CLSTN2: variants seen among roughly 807,000 people sequenced by gnomAD.
The protein encoded by CLSTN2 is calsyntenin 2, also known as calsyntenin-2.
In CLSTN2, 48 loss-of-function variants were observed where a neutral mutation model predicts 101.2. That is an observed-to-expected ratio of 0.47 (90% CI 0.38 to 0.60). The LOEUF (loss-of-function observed/expected upper bound fraction) is 0.60, where lower values mean the gene tolerates loss of function less well. Among genes scored for constraint, CLSTN2 ranks in the 20% least tolerant of loss-of-function variants. The pLI is 0.00. For missense variants in CLSTN2, 1,160 were observed against 1,238.2 expected (o/e 0.94, Z 0.95); for synonymous variants, 481 against 463.6 (o/e 1.04, Z -0.48).
chr3:139,935,314 G>A lies in CLSTN2; in HGVS notation c.-61G>A. 1.1e-6 allele frequency: 1 copy of A among 932,046 alleles called. No homozygotes were observed. Among genetic ancestry groups the A allele is most frequent in the African/African-American group, 1.7e-5 (1 of 58,414 alleles). 57.7% of individuals were successfully genotyped at this position (932,046 alleles called of 1,614,324 possible). A position where few individuals can be genotyped will look rare whatever the true frequency, so the allele number is the denominator to read the frequency against. On this transcript the variant is annotated 5_prime_UTR_variant, in exon 1 of 17. Coordinates refer to ENST00000458420, the MANE Select transcript of CLSTN2 (RefSeq NM_022131.3). The surrounding 1 kb of genome is among the most constrained non-coding windows in gnomAD (Gnocchi z 5.5). ...CGGCCCACGGTGCGGCAGGCACCGG[G>A]AGGCGAGAGCCGGCGCGGACAGTAG...
chr3:139,950,440 G>C (rs779373198), intron 1 of CLSTN2, among the ~76,000 whole-genome samples: 1 of 152,126 alleles, frequency 6.6e-6, no homozygotes, highest in Non-Finnish European at 1.5e-5. Flanking sequence ...TCCCTACATG[G>C]GCTGAGGTTG....
chr3:140,469,165 G>A (rs74714884), intron 8 of CLSTN2, among the ~76,000 whole-genome samples: 15,080 of 152,150 alleles, frequency 0.099, 842 homozygotes, highest in Middle Eastern at 0.16. Flanking sequence ...ACCTACTCAA[G>A]GTCCTAGCTC....
intron 1 of CLSTN2, among the ~76,000 whole-genome samples, chr3:140,064,881 A>G (rs2008272799): frequency 6.6e-6 from 1 of 152,194 alleles, no homozygotes; most frequent in African/African-American, 2.4e-5. Context: ...CAAAAGCACA[A>G]AGATTAAAGA....
chr3:140,148,779 G>A (rs1360949902), intron 1 of CLSTN2, among the ~76,000 whole-genome samples: 3 of 152,156 alleles, frequency 2.0e-5, no homozygotes, highest in Non-Finnish European at 4.4e-5. Context: ...TGCTAAGAAA[G>A]CCTCAAGTTC....
At chr3:140,066,327 A>G (rs1560084613) in intron 1 of CLSTN2, among the ~76,000 whole-genome samples, 4 of 152,154 alleles carry the variant, frequency 2.6e-5, no homozygotes, top group Non-Finnish European at 4.4e-5. Context: ...AGCCTCCACC[A>G]TGGTGTTTCT....
At chr3:140,476,504 C>T (rs78462923) in intron 8 of CLSTN2, among the ~76,000 whole-genome samples, 2 of 152,274 alleles carry the variant, frequency 1.3e-5, no homozygotes, top group Non-Finnish European at 2.9e-5. Flanking sequence ...GGGTAAAAGG[C>T]ACCAGTCTTA....
chr3:140,141,020 TAA>T (rs1232595713), intron 1 of CLSTN2, among the ~76,000 whole-genome samples: 1 of 152,186 alleles, frequency 6.6e-6, no homozygotes, highest in Non-Finnish European at 1.5e-5. Context: ...GCTCCTGACA[TAA>T]GACACCTTCT....
At chr3:140,529,293 T>TG (rs1169558750) in intron 8 of CLSTN2, among the ~76,000 whole-genome samples, 1 of 152,184 alleles carries the variant, frequency 6.6e-6, no homozygotes, top group Admixed American at 6.5e-5. Context: ...CTGCCTGCCG[T>TG]GGGAGTACAT....
intron 1 of CLSTN2, among the ~76,000 whole-genome samples, chr3:139,967,199 T>C (rs1398640980): frequency 6.6e-6 from 1 of 152,018 alleles, no homozygotes; most frequent in East Asian, 1.9e-4. Flanking sequence ...ATGGGATAGA[T>C]TTGGGGGTCA....
rs66697366 is a variant in CLSTN2 at position 139,938,140 on chromosome 3, C to CAAAAAA, written c.109+2671_109+2676dup. 1.1e-3 allele frequency among the ~76,000 whole-genome samples: 102 copies of CAAAAAA among 94,398 alleles called. 1 individual carries two copies. The highest frequency in any genetic ancestry group is 5.5e-3 in the Middle Eastern group (1 of 182). The allele number at this position is 94,398 out of a possible 152,430, so 61.9% of individuals were successfully genotyped here. ...GTTCATACCATTGTTATTCCCATCA[C>CAAAAAA]AAAAAAAAAAAAAAAAAAATCAGGA... On this transcript the variant is annotated intron_variant, in intron 1 of 16. Coordinates refer to ENST00000458420, the MANE Select transcript of CLSTN2 (RefSeq NM_022131.3).
At position 140,566,582 on chromosome 3, in the gene CLSTN2, G is replaced by A; in HGVS notation, c.*329G>A. The A allele has an allele frequency of 2.9e-6, 1 of 339,404 alleles. No individual in the cohort carries two copies. The highest frequency in any genetic ancestry group is 5.6e-6 in the Non-Finnish European group (1 of 178,292). The allele number at this position is 339,404 out of a possible 1,614,324, so 21.0% of individuals were successfully genotyped here. A position where few individuals can be genotyped will look rare whatever the true frequency, so the allele number is the denominator to read the frequency against. On this transcript the variant is annotated 3_prime_UTR_variant, in exon 17 of 17. Transcript: ENST00000458420. ...CCTGCAGGGAAGAAGGCCCACCTTT[G>A]TGTCACTCACCTCCCCAGGCTCAGA...
chr3:140,022,009 G>A (rs1014752788), intron 1 of CLSTN2, among the ~76,000 whole-genome samples: 4 of 152,182 alleles, frequency 2.6e-5, no homozygotes, highest in African/African-American at 9.7e-5. Flanking sequence ...CACCTGGAAA[G>A]ATGCTGAAGG....
At chr3:140,481,286 G>T (rs969504758) in intron 8 of CLSTN2, among the ~76,000 whole-genome samples, 1 of 152,156 alleles carries the variant, frequency 6.6e-6, no homozygotes, top group African/African-American at 2.4e-5. Context: ...TGAGGGCTCT[G>T]TTCTGCTCCA....
At chr3:140,248,783 A>G (rs2086538283) in intron 2 of CLSTN2, among the ~76,000 whole-genome samples, 1 of 152,186 alleles carries the variant, frequency 6.6e-6, no homozygotes, top group African/African-American at 2.4e-5. Context: ...TAAAATTTTC[A>G]TCTATACATG....
intron 1 of CLSTN2, among the ~76,000 whole-genome samples, chr3:140,012,327 G>A (rs1323121136): frequency 6.6e-6 from 1 of 152,190 alleles, no homozygotes; most frequent in Admixed American, 6.5e-5. Context: ...ATTACTATGT[G>A]TATCAGTAAG....
At chr3:140,006,249 T>C (rs1332751993) in intron 1 of CLSTN2, among the ~76,000 whole-genome samples, 1 of 152,208 alleles carries the variant, frequency 6.6e-6, no homozygotes, top group Admixed American at 6.5e-5. Flanking sequence ...ATGTGCAAGA[T>C]ACTTTGTTTA....
chr3:140,394,867 T>G (rs568794284), intron 2 of CLSTN2, among the ~76,000 whole-genome samples: 1 of 152,304 alleles, frequency 6.6e-6, no homozygotes, highest in South Asian at 2.1e-4. Flanking sequence ...CCAGGGATGG[T>G]TTGCTGAGTG....
At chr3:140,490,565 A>G (rs1003295485) in intron 8 of CLSTN2, among the ~76,000 whole-genome samples, 16 of 146,630 alleles carry the variant, frequency 1.1e-4, no homozygotes, top group Non-Finnish European at 1.6e-4. Flanking sequence ...ACTGTACTCC[A>G]TCCTGGGTGA....
intron 1 of CLSTN2, among the ~76,000 whole-genome samples, chr3:140,140,781 A>G (rs1004627397): frequency 1.3e-5 from 2 of 152,342 alleles, no homozygotes; most frequent in East Asian, 3.9e-4. Flanking sequence ...GATTGAACTC[A>G]GGACTGCCTA....
Sources: gnomAD v4.1 joint callset for allele counts (sites outside exome capture counted in the v4.1 genomes callset) on GRCh38, gnomAD v4.1.1 for gene constraint, Gnocchi (gnomAD v3.1) non-coding constraint, MANE v1.5 for transcripts, NCBI Gene and HGNC (gene_info 2026-07-23, HGNC 2026-07-21) for gene names.